Variants in DNAH14 observed in about 807,000 individuals in gnomAD.
The protein encoded by DNAH14 is dynein axonemal heavy chain 14, also known as axonemal beta dynein heavy chain 14.
Under a neutral mutation model 520.9 loss-of-function variants are expected in DNAH14, and 478 were observed. The observed-to-expected ratio is 0.92, with a 90% CI of 0.85 to 0.99. The LOEUF (loss-of-function observed/expected upper bound fraction) is 0.99, where lower values mean the gene tolerates loss of function less well. Ranked by LOEUF, DNAH14 falls within the 50% of genes least tolerant of loss-of-function variation. The pLI, the probability that DNAH14 is intolerant of heterozygous loss-of-function variation, is 0.00. For synonymous variants in DNAH14, 1,581 were observed against 1,757.2 expected (o/e 0.90, Z 2.51); for missense variants, 4,831 against 5,234.5 (o/e 0.92, Z 2.38).
chr1:225,094,141 A>G (rs147760234), intron 21 of DNAH14, among the ~76,000 whole-genome samples: 172 of 152,310 alleles, frequency 1.1e-3, no homozygotes, highest in African/African-American at 4.0e-3. Flanking sequence ...TAAAATTCAT[A>G]TGGAACCAAA....
At chr1:225,390,706 C>T (rs774686534) in intron 83 of DNAH14, among the ~76,000 whole-genome samples, 14 of 152,032 alleles carry the variant, frequency 9.2e-5, no homozygotes, top group South Asian at 2.1e-4. Context: ...GAGAATAATT[C>T]GTGGAGCTTA....
chr1:225,147,742 G>C (rs2080087494), intron 31 of DNAH14, among the ~76,000 whole-genome samples: 1 of 152,074 alleles, frequency 6.6e-6, no homozygotes, highest in Non-Finnish European at 1.5e-5. Flanking sequence ...ACCCAGGTAT[G>C]AACTAGTATC....
rs914550860 is a variant in DNAH14 at position 225,309,770 on chromosome 1, G to A, written c.9240+1360G>A. On this transcript the variant is annotated intron_variant, in intron 60 of 85. Coordinates refer to ENST00000682510, the MANE Select transcript of DNAH14 (RefSeq NM_001367479.1). Reference sequence around the variant, plus strand: ...TAGCTGAATGTGGTGGTGCAGGCCTGTAATCCCAGCTACTTAGGAGGCTGA... The same window carrying A: ...TAGCTGAATGTGGTGGTGCAGGCCTATAATCCCAGCTACTTAGGAGGCTGA... Among the ~76,000 whole-genome samples the A allele has an allele frequency of 3.3e-5, 5 of 152,252 alleles. No individual in the cohort carries two copies. The East Asian group carries it at 9.6e-4, about 29-fold the overall frequency.
chr1:225,324,912 A>G (rs2094625073), intron 64 of DNAH14, 80 bp downstream of exon 64: 8 of 1,030,740 alleles, frequency 7.8e-6, no homozygotes, highest in Admixed American at 2.7e-5. Context: ...TATCAGTTTC[A>G]GATAAGATGG....
At chr1:225,335,330 CGTGTGTACATGTGTGTGTATATGCATAT>C (rs1558426850) in intron 66 of DNAH14, among the ~76,000 whole-genome samples, 8 of 88,606 alleles carry the variant, frequency 9.0e-5, no homozygotes, top group Non-Finnish European at 1.8e-4. Flanking sequence ...CACATATACA[CGTGTGTACATGTGTGTGTATATGCATAT>C]ACACGTGTAC....
In DNAH14 at chr1:225,377,357, T is replaced by C. The variant is rs1028275148; in HGVS notation, c.12637T>C (p.Trp4213Arg). 1.3e-6 allele frequency: 2 copies of C among 1,551,070 alleles called. No homozygotes were observed. The highest frequency in any genetic ancestry group is 2.7e-5 in the African/African-American group (2 of 73,048). ...GIHPEAIRSCWETQGEKFIEN... is the reference protein window; with the variant it reads ...GIHPEAIRSCRETQGEKFIEN... ...ACACCCAGAGGCCATCAGGAGCTGC[T>C]GGGAGACCCAGGGCGAAAAGTTTAT... Residue 4213 changes from tryptophan (W) to arginine (R), a missense_variant, in exon 79 of 86, where the codon TGG becomes CGG. By Grantham distance (101) the Trp-to-Arg change is moderately radical. Transcript: ENST00000682510.
Position 225,335,275 on chromosome 1 carries a change from T to TGTGTATATGCAGATACACACATGTGTACA in DNAH14, c.10080+1769_10080+1770insGTGTATATGCAGATACACACATGTGTACA, listed in dbSNP as rs1558425838. Among the ~76,000 whole-genome samples, 772 of 79,226 alleles carry TGTGTATATGCAGATACACACATGTGTACA rather than the reference T, an allele frequency of 9.7e-3. 26 individuals carry two copies. The highest frequency in any genetic ancestry group is 0.015 in the Middle Eastern group (2 of 134). The allele number at this position is 79,226 out of a possible 152,430, so 52.0% of individuals were successfully genotyped here. A position where few individuals can be genotyped will look rare whatever the true frequency, so the allele number is the denominator to read the frequency against. On this transcript the variant is annotated intron_variant, in intron 66 of 85. Coordinates refer to ENST00000682510, the MANE Select transcript of DNAH14 (RefSeq NM_001367479.1). The stretch of plus-strand genomic sequence containing the variant: ...GTATATGCACATATACACGTGTACA[T>TGTGTATATGCAGATACACACATGTGTACA]TGTGTGTATATGCACATATACACAT...
chr1:225,335,361 A>G (rs1244977852), intron 66 of DNAH14, among the ~76,000 whole-genome samples: 9 of 67,256 alleles, frequency 1.3e-4, no homozygotes, highest in Non-Finnish European at 2.4e-4. Flanking sequence ...ATGCATATAC[A>G]CGTGTACATG....
intron 19 of DNAH14, among the ~76,000 whole-genome samples, chr1:225,082,177 T>TGTGTGTGTGTGTGTGC (rs928994904): frequency 6.6e-6 from 1 of 151,258 alleles, no homozygotes; most frequent in African/African-American, 2.4e-5. Flanking sequence ...TTGTGGTGTG[T>TGTGTGTGTGTGTGTGC]GTGTGTGTGT....
intron 81 of DNAH14, among the ~76,000 whole-genome samples, chr1:225,385,084 C>G (rs187583210): frequency 6.6e-6 from 1 of 152,140 alleles, no homozygotes; most frequent in African/African-American, 2.4e-5. Context: ...ATACACAAAT[C>G]AATAAACGTA....
rs544874428 is a variant in DNAH14 at position 225,171,070 on chromosome 1, A to G, written c.5535+3042A>G. Among the ~76,000 whole-genome samples, 4 of 152,340 alleles carry G rather than the reference A, an allele frequency of 2.6e-5. No individual in the cohort carries two copies. The South Asian group carries it at 6.2e-4, about 24-fold the overall frequency. ...GAAATAAAGATGTTCTTTGAAACCAATGAGAACAAAGACACAGCATACCAG... is the reference window on the plus strand; with the variant it reads ...GAAATAAAGATGTTCTTTGAAACCAGTGAGAACAAAGACACAGCATACCAG... On this transcript the variant is annotated intron_variant, in intron 36 of 85. Transcript: ENST00000682510.
Position 225,054,357 on chromosome 1 carries a change from A to G in DNAH14, c.2424+2562A>G, listed in dbSNP as rs575026338. ...TTTTAAAATTAAAAGTGACCAGAGG[A>G]CTTTTATTATCTGTGACCAGAAAAG... On this transcript the variant is annotated intron_variant, in intron 17 of 85. Coordinates refer to ENST00000682510, the MANE Select transcript of DNAH14 (RefSeq NM_001367479.1). 2.0e-5 allele frequency among the ~76,000 whole-genome samples: 3 copies of G among 152,246 alleles called. No homozygotes were observed. In the South Asian group the frequency reaches 6.2e-4, roughly 32 times the overall value.
chr1:225,168,268 C>A (rs2082228364), intron 36 of DNAH14, among the ~76,000 whole-genome samples: 1 of 152,164 alleles, frequency 6.6e-6, no homozygotes, highest in Non-Finnish European at 1.5e-5. Flanking sequence ...TTCTGCATTT[C>A]CAACTGAGGT....
Position 225,334,868 on chromosome 1 carries a change from C to T in DNAH14, c.10080+1362C>T, listed in dbSNP as rs2094880306. On this transcript the variant is annotated intron_variant, in intron 66 of 85. Transcript: ENST00000682510. ...TGGGAGACAAGCCAAGTCTCTGTCT[C>T]TCTCTCTACATATATATGTGTGTGT... 2.8e-5 allele frequency among the ~76,000 whole-genome samples: 4 copies of T among 143,310 alleles called. No homozygotes were observed. The South Asian group carries it at 9.3e-4, about 33-fold the overall frequency. 94.0% of individuals were successfully genotyped at this position (143,310 alleles called of 152,430 possible). A position where few individuals can be genotyped will look rare whatever the true frequency, so the allele number is the denominator to read the frequency against.
Position 224,964,890 on chromosome 1 carries a change from G to C in DNAH14, c.498+281G>C, listed in dbSNP as rs1201108491. On this transcript the variant is annotated intron_variant, in intron 5 of 85. Coordinates refer to ENST00000682510, the MANE Select transcript of DNAH14 (RefSeq NM_001367479.1). ...CTCTGAGTGAGTCCCCAGGAAAGGG[G>C]TATCATCTGCCTGAAACTTGAATCT... Among the ~76,000 whole-genome samples the C allele has an allele frequency of 3.3e-5, 5 of 152,168 alleles. No homozygotes were observed. The East Asian group carries it at 9.6e-4, about 29-fold the overall frequency.
chr1:225,112,473 T>C (rs1021506407), intron 23 of DNAH14, among the ~76,000 whole-genome samples: 6 of 152,304 alleles, frequency 3.9e-5, no homozygotes, highest in Admixed American at 3.3e-4. Flanking sequence ...CTGTTTGGTG[T>C]TCTATAACCT....
At chr1:225,199,700 G>T (rs1238919715) in intron 38 of DNAH14, among the ~76,000 whole-genome samples, 1 of 152,142 alleles carries the variant, frequency 6.6e-6, no homozygotes, top group African/African-American at 2.4e-5. Flanking sequence ...GTCTGAGAGA[G>T]TGCTTGATAT....
At chr1:225,208,902 A>G (rs2087958612) in intron 41 of DNAH14, among the ~76,000 whole-genome samples, 1 of 152,048 alleles carries the variant, frequency 6.6e-6, no homozygotes, top group African/African-American at 2.4e-5. Context: ...GAATTCTCAT[A>G]TTTGATATTG....
chr1:225,205,262 T>C (rs1258264843), intron 39 of DNAH14, among the ~76,000 whole-genome samples: 1 of 152,110 alleles, frequency 6.6e-6, no homozygotes, highest in Non-Finnish European at 1.5e-5. Context: ...GATTAGGTCA[T>C]GAGGGTAGAG....
Sources: allele counts gnomAD v4.1 joint callset (sites outside exome capture counted in the v4.1 genomes callset), GRCh38; gene constraint gnomAD v4.1.1; transcripts MANE v1.5; gene names NCBI Gene and HGNC (gene_info 2026-07-23, HGNC 2026-07-21).